The following PDE1A variants were observed in gnomAD, a reference collection of about 807,000 sequenced individuals.
PDE1A encodes phosphodiesterase 1A.
PDE1A carries 35 observed loss-of-function variants against 61.7 expected under a neutral mutation model. That is an observed-to-expected ratio of 0.57 (90% CI 0.43 to 0.75). PDE1A has a LOEUF of 0.75. PDE1A is among the 30% of genes least tolerant of loss of function. The pLI, the probability that PDE1A is intolerant of heterozygous loss-of-function variation, is 0.00. For missense variants in PDE1A, 597 were observed against 630.6 expected, an observed-to-expected ratio of 0.95 and a Z score of 0.57; for synonymous variants, 232 against 213.2, an observed-to-expected ratio of 1.09 and a Z score of -0.77.
intron 1 of PDE1A, among the ~76,000 whole-genome samples, chr2:182,322,354 G>T (rs1696748991): frequency 6.6e-6 from 1 of 152,102 alleles, no homozygotes; most frequent in African/African-American, 2.4e-5. Context: ...GTTGTGGGAG[G>T]GACCCAGTGG....
intron 1 of PDE1A, among the ~76,000 whole-genome samples, chr2:182,336,976 T>TTA (rs1553591205): frequency 9.4e-5 from 14 of 148,594 alleles, no homozygotes; most frequent in African/African-American, 3.3e-4. Flanking sequence ...TTTTTTTTTT[T>TTA]AAATAAAGAA....
At chr2:182,319,007 A>C (rs1328165262) in intron 1 of PDE1A, among the ~76,000 whole-genome samples, 1 of 151,942 alleles carries the variant, frequency 6.6e-6, no homozygotes, top group African/African-American at 2.4e-5. Flanking sequence ...TCTTTTCATC[A>C]CCCTCTCTCT....
intron 1 of PDE1A, among the ~76,000 whole-genome samples, chr2:182,395,353 T>C (rs573327740): frequency 3.3e-5 from 5 of 152,314 alleles, no homozygotes; most frequent in East Asian, 1.9e-4. Flanking sequence ...AGTATGCTGA[T>C]TGGATCCAGT....
chr2:182,678,444 A>G, the PDE1A span, among the ~76,000 whole-genome samples: 2 of 152,126 alleles, frequency 1.3e-5, no homozygotes, highest in African/African-American at 4.8e-5. Flanking sequence ...GAAAAGAAAG[A>G]AAGAAAGAGA....
At chr2:182,605,618 G>A in the PDE1A span, among the ~76,000 whole-genome samples, 2 of 152,154 alleles carry the variant, frequency 1.3e-5, no homozygotes, top group African/African-American at 4.8e-5. Context: ...CCACTATCCT[G>A]ATGGCTACAT....
chr2:182,265,238 AC>A (rs1559271771), intron 1 of PDE1A, among the ~76,000 whole-genome samples: 1 of 151,752 alleles, frequency 6.6e-6, no homozygotes, highest in African/African-American at 2.4e-5. Flanking sequence ...AACCACCTGT[AC>A]CCCCCAAAAA....
At chr2:182,196,645 C>T (rs1056520593) in intron 10 of PDE1A, among the ~76,000 whole-genome samples, 1 of 151,750 alleles carries the variant, frequency 6.6e-6, no homozygotes, top group Non-Finnish European at 1.5e-5. Context: ...CATATAGGCA[C>T]CTACTGTTCT....
At chr2:182,270,682 G>C (rs953498939) in intron 1 of PDE1A, among the ~76,000 whole-genome samples, 1 of 150,930 alleles carries the variant, frequency 6.6e-6, no homozygotes, top group African/African-American at 2.4e-5. Context: ...TCCATACTAA[G>C]AATCAGAAGA....
intron 1 of PDE1A, among the ~76,000 whole-genome samples, chr2:182,312,267 CT>C (rs1696030651): frequency 6.6e-6 from 1 of 152,024 alleles, no homozygotes; most frequent in African/African-American, 2.4e-5. Flanking sequence ...TGTACAATGT[CT>C]TTCAAGGAGC....
At position 182,493,769 on chromosome 2, in the gene PDE1A, T is replaced by C. The variant is rs567034615; in HGVS notation, c.101+28507A>G. 4.6e-5 allele frequency among the ~76,000 whole-genome samples: 7 copies of C among 152,312 alleles called. No homozygotes were observed. In the South Asian group the frequency reaches 1.5e-3, roughly 32 times the overall value. Reference sequence around the variant, plus strand: ...CATAAAAAAGGATGAGTTCATGTCCTTTGTAGGAACATGGATGGAGCTGGA... The same window carrying C: ...CATAAAAAAGGATGAGTTCATGTCCCTTGTAGGAACATGGATGGAGCTGGA... On this transcript the variant is annotated intron_variant, in intron 2 of 14. Transcript: ENST00000410103.
intron 11 of PDE1A, 64 bp downstream of exon 11, chr2:182,188,915 T>C (rs1685464948): frequency 9.6e-7 from 1 of 1,042,068 alleles, no homozygotes; most frequent in Non-Finnish European, 1.5e-6. Flanking sequence ...AACAACATCG[T>C]TTACCCATTT....
chr2:182,583,593 C>T, the PDE1A span, among the ~76,000 whole-genome samples: 2 of 152,144 alleles, frequency 1.3e-5, no homozygotes, highest in African/African-American at 4.8e-5. Flanking sequence ...CTCCTCACCC[C>T]GGCTCTTAAA....
intron 1 of PDE1A, chr2:182,522,654 G>C: frequency 8.5e-7 from 1 of 1,176,822 alleles, no homozygotes; most frequent in Non-Finnish European, 1.1e-6. Flanking sequence ...GCCTGCTACT[G>C]TACTACTGAC....
At chr2:182,144,150 T>C (rs1360257652), downstream of PDE1A, among the ~76,000 whole-genome samples, 2 of 152,204 alleles carry the variant, frequency 1.3e-5, no homozygotes, top group Non-Finnish European at 2.9e-5. Context: ...ATGATCAATT[T>C]TGATCTCTTG....
intron 2 of PDE1A, among the ~76,000 whole-genome samples, chr2:182,474,118 G>T (rs932586908): frequency 2.0e-5 from 3 of 151,692 alleles, no homozygotes. Flanking sequence ...GTATATAAGC[G>T]TTCTTTAAAT....
the PDE1A span, among the ~76,000 whole-genome samples, chr2:182,565,909 C>T: frequency 6.6e-6 from 1 of 152,142 alleles, no homozygotes; most frequent in Admixed American, 6.6e-5. Flanking sequence ...ATCACCATCA[C>T]TACCCTGATA....
chr2:182,494,381 G>A (rs918443273), intron 2 of PDE1A, among the ~76,000 whole-genome samples: 1 of 151,966 alleles, frequency 6.6e-6, no homozygotes, highest in African/African-American at 2.4e-5. Flanking sequence ...TAATATAATT[G>A]ATCATACTCT....
intron 13 of PDE1A, among the ~76,000 whole-genome samples, chr2:182,170,620 A>G (rs1301730115): frequency 1.3e-5 from 2 of 152,036 alleles, no homozygotes; most frequent in Admixed American, 6.6e-5. Flanking sequence ...ATACATGTAT[A>G]CACCTGTGAT....
At chr2:182,459,504 G>T (rs534558026) in intron 2 of PDE1A, among the ~76,000 whole-genome samples, 1 of 152,062 alleles carries the variant, frequency 6.6e-6, no homozygotes, top group African/African-American at 2.4e-5. Flanking sequence ...GGTGAAGCTT[G>T]GTCAGAAAAG....
Sources: gnomAD v4.1 joint callset for allele counts (sites outside exome capture counted in the v4.1 genomes callset) on GRCh38, gnomAD v4.1.1 for gene constraint, MANE v1.5 for transcripts, NCBI Gene and HGNC (gene_info 2026-07-23, HGNC 2026-07-21) for gene names.